SGCZ: variants seen among roughly 807,000 people sequenced by gnomAD.
The protein encoded by SGCZ is zeta-sarcoglycan.
Under a neutral mutation model 41.3 loss-of-function variants are expected in SGCZ, and 40 were observed. The ratio of observed to expected loss-of-function variants is 0.97; its 90% confidence interval spans 0.75 to 1.26. The LOEUF is 1.26. SGCZ is among the 50% of genes most tolerant of loss of function. SGCZ has a pLI of 0.00. For missense variants in SGCZ, 552 were observed against 369.8 expected, an observed-to-expected ratio of 1.49 and a Z score of -4.04; for synonymous variants, 206 against 137.5, an observed-to-expected ratio of 1.50 and a Z score of -3.49.
chr8:14,682,049 G>T (rs1181562054), intron 1 of SGCZ, among the ~76,000 whole-genome samples: 1 of 152,026 alleles, frequency 6.6e-6, no homozygotes, highest in East Asian at 1.9e-4. Context: ...GGTAGCAAAG[G>T]GTTCAATCCA....
At position 14,827,851 on chromosome 8, in the gene SGCZ, C is replaced by G. The variant is rs1802388608; in HGVS notation, c.40-272925G>C. Among the ~76,000 whole-genome samples the G allele has an allele frequency of 2.6e-5, 4 of 152,156 alleles. 1 individual carries two copies. The highest frequency in any genetic ancestry group is 9.7e-5 in the African/African-American group (4 of 41,438). On this transcript the variant is annotated intron_variant, in intron 1 of 7. Coordinates refer to ENST00000382080, the MANE Select transcript of SGCZ (RefSeq NM_139167.4). ...ACATAAACACACATTAATAAACACA[C>G]ACACACACACAGACACACATATCAC... is the stretch of plus-strand genomic sequence containing the variant.
rs561661010 is a variant in SGCZ, at chr8:14,470,275, C to T, written c.234+84457G>A. 1.3e-4 allele frequency among the ~76,000 whole-genome samples: 20 copies of T among 152,212 alleles called. 1 individual carries two copies. Among genetic ancestry groups the T allele is most frequent in the African/African-American group, 4.8e-4 (20 of 41,570 alleles). The stretch of plus-strand genomic sequence containing the variant: ...AATGCTGAGTTTTGTTTTTTCTGCA[C>T]ACAATGAGGTTATTTCTTTGTTTTC... On this transcript the variant is annotated intron_variant, in intron 2 of 7. Transcript: ENST00000382080.
intron 2 of SGCZ, among the ~76,000 whole-genome samples, chr8:14,414,044 T>G (rs543652420): frequency 6.6e-6 from 1 of 152,116 alleles, no homozygotes; most frequent in Admixed American, 6.6e-5. Flanking sequence ...AATTTATACC[T>G]TTCACAACAG....
intron 1 of SGCZ, among the ~76,000 whole-genome samples, chr8:15,080,895 G>T (rs2410229): frequency 0.62 from 93,943 of 151,850 alleles, 30,747 homozygotes; most frequent in Non-Finnish European, 0.74. Flanking sequence ...CCTGGCTCTG[G>T]TTGATGTCTT....
At position 14,893,592 on chromosome 8, in the gene SGCZ, G is replaced by A. The variant is rs978419250; in HGVS notation, c.40-338666C>T. On this transcript the variant is annotated intron_variant, in intron 1 of 7. Coordinates refer to ENST00000382080, the MANE Select transcript of SGCZ (RefSeq NM_139167.4). ...ACAACCAGCTTATTATGCTCTGATCGCCATAATTTTAGGAATTTCTCATAA... is the reference window on the plus strand; with the variant it reads ...ACAACCAGCTTATTATGCTCTGATCACCATAATTTTAGGAATTTCTCATAA... Among the ~76,000 whole-genome samples, 5 of 152,134 alleles carry A rather than the reference G, an allele frequency of 3.3e-5. No homozygotes were observed. In the East Asian group the frequency reaches 5.8e-4, roughly 18 times the overall value.
chr8:14,428,360 C>T (rs571547493), intron 2 of SGCZ, among the ~76,000 whole-genome samples: 3 of 151,944 alleles, frequency 2.0e-5, no homozygotes, highest in East Asian at 3.9e-4. Context: ...TCAACTCAGA[C>T]GGGATGCAAG....
At chr8:14,452,903 G>A (rs1800635617) in intron 2 of SGCZ, among the ~76,000 whole-genome samples, 1 of 152,042 alleles carries the variant, frequency 6.6e-6, no homozygotes, top group Non-Finnish European at 1.5e-5. Context: ...AGGAGTTTGA[G>A]ACCAGCTTCG....
At chr8:14,433,349 C>G (rs182365521) in intron 2 of SGCZ, among the ~76,000 whole-genome samples, 1 of 152,080 alleles carries the variant, frequency 6.6e-6, no homozygotes, top group African/African-American at 2.4e-5. Context: ...TAGTGATATA[C>G]GGATAATTAA....
chr8:14,483,017 T>C (rs76898501), intron 2 of SGCZ, among the ~76,000 whole-genome samples: 2,425 of 152,094 alleles, frequency 0.016, 24 homozygotes, highest in Non-Finnish European at 0.024. Context: ...CATATCCTAT[T>C]GCTTCTGTTT....
chr8:15,189,244 A>T (rs2117105776), intron 1 of SGCZ, among the ~76,000 whole-genome samples: 1 of 152,352 alleles, frequency 6.6e-6, no homozygotes, highest in African/African-American at 2.4e-5. Flanking sequence ...TTTGTCAGAA[A>T]GTAAAGAGAA....
At chr8:14,814,652 G>A (rs1403879392) in intron 1 of SGCZ, among the ~76,000 whole-genome samples, 2 of 152,240 alleles carry the variant, frequency 1.3e-5, no homozygotes, top group Non-Finnish European at 2.9e-5. Flanking sequence ...CGCAAGCTGG[G>A]AATGAATTTC....
At chr8:15,105,836 C>G (rs527271038) in intron 1 of SGCZ, among the ~76,000 whole-genome samples, 2 of 151,988 alleles carry the variant, frequency 1.3e-5, no homozygotes, top group African/African-American at 4.8e-5. Flanking sequence ...TTTTTCAAAT[C>G]CTTTTGAAAG....
chr8:14,585,737 T>C (rs1457992658), intron 1 of SGCZ, among the ~76,000 whole-genome samples: 2 of 152,178 alleles, frequency 1.3e-5, no homozygotes, highest in Non-Finnish European at 2.9e-5. Flanking sequence ...ATACATTTAA[T>C]ACTCAACGAT....
intron 3 of SGCZ, among the ~76,000 whole-genome samples, chr8:14,242,765 T>A (rs1441342622): frequency 6.6e-6 from 1 of 152,180 alleles, no homozygotes; most frequent in South Asian, 2.1e-4. Context: ...ACAAGCCATG[T>A]TGGAACTCCA....
intron 5 of SGCZ, among the ~76,000 whole-genome samples, chr8:14,133,121 G>A (rs1166503322): frequency 6.6e-6 from 1 of 152,194 alleles, no homozygotes; most frequent in African/African-American, 2.4e-5. Flanking sequence ...AGGGGACTGA[G>A]CCTGGGGATC....
At chr8:14,574,523 A>C (rs73535218) in intron 1 of SGCZ, among the ~76,000 whole-genome samples, 2,006 of 152,276 alleles carry the variant, frequency 0.013, 45 homozygotes, top group African/African-American at 0.046. Context: ...GGCAAAGAAG[A>C]ATCTGAGCAG....
intron 1 of SGCZ, among the ~76,000 whole-genome samples, chr8:14,888,676 C>G (rs1489485084): frequency 6.6e-6 from 1 of 152,188 alleles, no homozygotes; most frequent in East Asian, 1.9e-4. Context: ...TAAATTGTCT[C>G]ATTGTTTATA....
intron 1 of SGCZ, among the ~76,000 whole-genome samples, chr8:14,926,203 T>C (rs1004615703): frequency 3.9e-5 from 6 of 152,220 alleles, no homozygotes; most frequent in African/African-American, 1.4e-4. Flanking sequence ...AAGTAATATA[T>C]GCATGTTCTT....
intron 1 of SGCZ, among the ~76,000 whole-genome samples, chr8:14,686,517 C>T (rs1437312433): frequency 2.0e-5 from 3 of 151,926 alleles, no homozygotes; most frequent in Non-Finnish European, 4.4e-5. Context: ...AAATTGGTCA[C>T]TAAGGCATAT....
Sources: gnomAD v4.1 joint callset for allele counts (sites outside exome capture counted in the v4.1 genomes callset) on GRCh38, gnomAD v4.1.1 for gene constraint, MANE v1.5 for transcripts, NCBI Gene and HGNC (gene_info 2026-07-23, HGNC 2026-07-21) for gene names.